The following SEMA3A variants were observed in gnomAD, a reference collection of about 807,000 sequenced individuals.
SEMA3A encodes semaphorin-3A.
Under a neutral mutation model 97.9 loss-of-function variants are expected in SEMA3A, and 29 were observed. The observed-to-expected ratio is 0.30, with a 90% confidence interval of 0.22 to 0.40. The LOEUF is 0.40. SEMA3A is among the 10% of genes least tolerant of loss of function. SEMA3A has a pLI of 1.00. For missense variants in SEMA3A, 763 were observed against 951.3 expected, an observed-to-expected ratio of 0.80 and a Z score of 2.60; for synonymous variants, 321 against 323.7, an observed-to-expected ratio of 0.99 and a Z score of 0.09.
chr7:84,311,289 T>A (rs1801309824), intron 2 of SEMA3A, among the ~76,000 whole-genome samples: 1 of 151,952 alleles, frequency 6.6e-6, no homozygotes, highest in Admixed American at 6.6e-5. Context: ...TTCAGGGAGT[T>A]ACATTCAAAA....
chr7:84,394,914 T>C (rs1228873), intron 1 of SEMA3A, among the ~76,000 whole-genome samples: 26,566 of 152,026 alleles, frequency 0.17, 2,453 homozygotes, highest in Middle Eastern at 0.22. Context: ...AGGAATGAGG[T>C]GTACTCAAAA....
intron 2 of SEMA3A, among the ~76,000 whole-genome samples, chr7:84,357,053 C>A (rs1012000407): frequency 3.3e-5 from 5 of 151,796 alleles, no homozygotes; most frequent in African/African-American, 1.2e-4. Flanking sequence ...ACCACACACA[C>A]TAAATAAGTT....
At chr7:84,100,388 AAT>A (rs1169425635) in intron 4 of SEMA3A, among the ~76,000 whole-genome samples, 1 of 152,186 alleles carries the variant, frequency 6.6e-6, no homozygotes, top group Non-Finnish European at 1.5e-5. Flanking sequence ...TGAACTACTG[AAT>A]AGCATCTTTG....
chr7:84,248,548 A>G (rs907429866), intron 3 of SEMA3A, among the ~76,000 whole-genome samples: 1 of 152,132 alleles, frequency 6.6e-6, no homozygotes, highest in African/African-American at 2.4e-5. Flanking sequence ...ATGTTCCTCT[A>G]CAATATGTCT....
intron 3 of SEMA3A, among the ~76,000 whole-genome samples, chr7:84,282,465 GTTA>G (rs2115748442): frequency 6.6e-6 from 1 of 152,086 alleles, no homozygotes; most frequent in African/African-American, 2.4e-5. Context: ...TTATTAAAAT[GTTA>G]TTATCTTTAC....
At chr7:84,388,567 T>C (rs929252377) in intron 1 of SEMA3A, among the ~76,000 whole-genome samples, 18 of 152,060 alleles carry the variant, frequency 1.2e-4, no homozygotes, top group Non-Finnish European at 7.4e-5. Context: ...AAGGCTGCTA[T>C]TACCAGAATT....
At chr7:84,087,116 A>G (rs1794407236) in intron 4 of SEMA3A, among the ~76,000 whole-genome samples, 1 of 152,094 alleles carries the variant, frequency 6.6e-6, no homozygotes, top group South Asian at 2.1e-4. Flanking sequence ...ATTATTCCTA[A>G]TGAAAATATT....
intron 6 of SEMA3A, among the ~76,000 whole-genome samples, chr7:84,022,530 G>A (rs904124060): frequency 6.6e-6 from 1 of 152,106 alleles, no homozygotes; most frequent in African/African-American, 2.4e-5. Flanking sequence ...AGCGACCCTG[G>A]ATATCTTTCC....
intron 4 of SEMA3A, among the ~76,000 whole-genome samples, chr7:84,070,644 TA>T (rs1179455086): frequency 3.3e-5 from 5 of 152,142 alleles, no homozygotes; most frequent in Non-Finnish European, 5.9e-5. Flanking sequence ...TGTTATCATA[TA>T]TTTTTTTCAA....
chr7:84,347,410 C>CTT lies in SEMA3A; in HGVS notation c.-169+24412_-169+24413dup, dbSNP rs549082504. 1.5e-3 allele frequency among the ~76,000 whole-genome samples: 205 copies of CTT among 136,492 alleles called. 2 individuals carry two copies. Among genetic ancestry groups the CTT allele is most frequent in the Middle Eastern group, 8.1e-3 (2 of 248 alleles). The allele number at this position is 136,492 out of a possible 152,430, so 89.5% of individuals were successfully genotyped here. A position where few individuals can be genotyped will look rare whatever the true frequency, so the allele number is the denominator to read the frequency against. Reference sequence around the variant, plus strand: ...ATGCAACAAGAATGATTCTTCAAACCTTTTTTTTTTTTTTTTGTGACGAGA... The same window carrying CTT: ...ATGCAACAAGAATGATTCTTCAAACCTTTTTTTTTTTTTTTTTTGTGACGAGA... On this transcript the variant is annotated intron_variant, in intron 2 of 3. Coordinates refer to the SEMA3A transcript ENST00000424555.
At chr7:84,070,583 T>C (rs1039522258) in intron 4 of SEMA3A, among the ~76,000 whole-genome samples, 1 of 152,150 alleles carries the variant, frequency 6.6e-6, no homozygotes, top group Non-Finnish European at 1.5e-5. Flanking sequence ...AGGTGGGAAA[T>C]TGCATAAAAT....
chr7:84,143,677 A>C (rs539411896), intron 1 of SEMA3A, among the ~76,000 whole-genome samples: 66 of 151,752 alleles, frequency 4.3e-4, no homozygotes, highest in African/African-American at 1.6e-3. Flanking sequence ...GCAACATAGC[A>C]AGATCCCATC....
rs1192541607 is a variant in SEMA3A at position 84,091,208 on chromosome 7, G to GAAAGA, written c.453+19257_453+19261dup. The stretch of plus-strand genomic sequence containing the variant: ...AGAAAGAAAGAAAGAAAGAAAGAAA[G>GAAAGA]AAAGAAAAGAAAAGAAAGAAAAGAA... On this transcript the variant is annotated intron_variant, in intron 4 of 16. Coordinates refer to ENST00000265362, the MANE Select transcript of SEMA3A (RefSeq NM_006080.3). Among the ~76,000 whole-genome samples the GAAAGA allele has an allele frequency of 1.3e-3, 89 of 69,302 alleles. 2 individuals carry two copies. The highest frequency in any genetic ancestry group is 4.3e-3 in the African/African-American group (87 of 20,462). The allele number at this position is 69,302 out of a possible 152,430, so 45.5% of individuals were successfully genotyped here.
At chr7:84,328,518 G>A (rs1337594094) in intron 2 of SEMA3A, among the ~76,000 whole-genome samples, 3 of 151,918 alleles carry the variant, frequency 2.0e-5, no homozygotes, top group South Asian at 2.1e-4. Flanking sequence ...TTTGAAAAAC[G>A]CAATGTTGCT....
chr7:84,032,069 G>C (rs1791779221), intron 6 of SEMA3A, among the ~76,000 whole-genome samples: 1 of 152,102 alleles, frequency 6.6e-6, no homozygotes, highest in Non-Finnish European at 1.5e-5. Context: ...GAAATAAAAA[G>C]TTAATTTTAT....
chr7:84,031,386 A>G (rs886459196), intron 6 of SEMA3A, among the ~76,000 whole-genome samples: 1 of 152,206 alleles, frequency 6.6e-6, no homozygotes, highest in Non-Finnish European at 1.5e-5. Flanking sequence ...AATGCTTCTT[A>G]AAGGTTTCAT....
chr7:84,223,398 T>C (rs1209588517), intron 3 of SEMA3A, among the ~76,000 whole-genome samples: 1 of 151,898 alleles, frequency 6.6e-6, no homozygotes, highest in Non-Finnish European at 1.5e-5. Context: ...ATCTGTAATA[T>C]TGTCTTTGTG....
At chr7:84,185,264 T>C (rs1797843334) in intron 1 of SEMA3A, among the ~76,000 whole-genome samples, 1 of 152,104 alleles carries the variant, frequency 6.6e-6, no homozygotes, top group South Asian at 2.1e-4. Context: ...AAGTGACTTT[T>C]TTCTGTGTTG....
At chr7:84,234,987 G>T (rs998135059) in intron 3 of SEMA3A, among the ~76,000 whole-genome samples, 1 of 152,010 alleles carries the variant, frequency 6.6e-6, no homozygotes, top group African/African-American at 2.4e-5. Context: ...TACTCTGCAT[G>T]TGGCATAAGG....
Sources: gnomAD v4.1 joint callset for allele counts (sites outside exome capture counted in the v4.1 genomes callset) on GRCh38, gnomAD v4.1.1 for gene constraint, MANE v1.5 for transcripts, NCBI Gene and HGNC (gene_info 2026-07-23, HGNC 2026-07-21) for gene names.